ATP2C2: variants seen among roughly 807,000 people sequenced by gnomAD.
The protein encoded by ATP2C2 is calcium-transporting ATPase type 2C member 2.
ATP2C2 carries 171 observed loss-of-function variants against 110.8 expected under a neutral mutation model. The observed-to-expected ratio is 1.54, with a 90% CI of 1.36 to 1.75. ATP2C2 has a LOEUF of 1.75. ATP2C2 is among the 40% of genes most tolerant of loss of function. The pLI, the probability that ATP2C2 is intolerant of heterozygous loss-of-function variation, is 0.00. For missense variants in ATP2C2, 1,963 were observed against 1,235.0 expected, an observed-to-expected ratio of 1.59 and a Z score of -8.84; for synonymous variants, 804 against 508.4, an observed-to-expected ratio of 1.58 and a Z score of -7.82.
intron 1 of ATP2C2, among the ~76,000 whole-genome samples, chr16:84,391,285 C>CAAG (rs1222210295): frequency 6.6e-6 from 1 of 152,114 alleles, no homozygotes; most frequent in Non-Finnish European, 1.5e-5. Flanking sequence ...TACAAAGTAA[C>CAAG]AAGAAGCTAC....
intron 7 of ATP2C2, among the ~76,000 whole-genome samples, chr16:84,420,967 G>A (rs976210880): frequency 2.0e-5 from 3 of 151,980 alleles, no homozygotes; most frequent in Non-Finnish European, 2.9e-5. Flanking sequence ...CCCCATACCC[G>A]GCTAATTCTT....
intron 15 of ATP2C2, among the ~76,000 whole-genome samples, chr16:84,442,833 A>C (rs1424211964): frequency 6.6e-6 from 1 of 152,170 alleles, no homozygotes; most frequent in Non-Finnish European, 1.5e-5. Flanking sequence ...GCGATTCCAA[A>C]AGAATCCTAT....
intron 6 of ATP2C2, among the ~76,000 whole-genome samples, chr16:84,414,719 C>T (rs947621214): frequency 6.6e-6 from 1 of 152,144 alleles, no homozygotes; most frequent in Admixed American, 6.5e-5. Flanking sequence ...TTGAGGTCTG[C>T]AAAGCCCCTG....
chr16:84,458,908 C>A (rs1044661500), intron 21 of ATP2C2, among the ~76,000 whole-genome samples: 6 of 152,154 alleles, frequency 3.9e-5, no homozygotes, highest in African/African-American at 1.2e-4. Flanking sequence ...GAACATGGCT[C>A]AAGGATCAGT....
chr16:84,460,240 C>T (rs922645153), intron 23 of ATP2C2: 1 of 244,564 alleles, frequency 4.1e-6, no homozygotes, highest in Admixed American at 5.1e-5. Flanking sequence ...TGCTGCGGGT[C>T]TAGCCTCAAC....
intron 6 of ATP2C2, among the ~76,000 whole-genome samples, chr16:84,411,379 T>C (rs1435522875): frequency 6.6e-6 from 1 of 152,244 alleles, no homozygotes; most frequent in Non-Finnish European, 1.5e-5. Context: ...CCCTGTGTGA[T>C]AGAACTTGCA....
chr16:84,409,355 C>T (rs539189815), intron 4 of ATP2C2, among the ~76,000 whole-genome samples: 52 of 152,122 alleles, frequency 3.4e-4, no homozygotes, highest in African/African-American at 1.2e-3. Flanking sequence ...ATGTAAATGA[C>T]GAGTTGATGG....
chr16:84,456,348 T>C (rs1485132452), intron 21 of ATP2C2, among the ~76,000 whole-genome samples: 1 of 152,024 alleles, frequency 6.6e-6, no homozygotes, highest in East Asian at 1.9e-4. Context: ...CTTCCTGGTT[T>C]AGTCTTGGGA....
chr16:84,388,597 C>T (rs1018497193), intron 1 of ATP2C2, among the ~76,000 whole-genome samples: 1 of 152,176 alleles, frequency 6.6e-6, no homozygotes, highest in African/African-American at 2.4e-5. Context: ...AAGAAGGAAG[C>T]ATCTGCCTGA....
Position 84,384,701 on chromosome 16 carries a change from C to G in ATP2C2, c.100-13798C>G, listed in dbSNP as rs190694027. Among the ~76,000 whole-genome samples, 438 of 152,290 alleles carry G rather than the reference C, an allele frequency of 2.9e-3. 2 individuals carry two copies. The highest frequency in any genetic ancestry group is 4.7e-3 in the Non-Finnish European group (319 of 68,020). On this transcript the variant is annotated intron_variant, in intron 1 of 26. Coordinates refer to ENST00000262429, the MANE Select transcript of ATP2C2 (RefSeq NM_014861.4). The stretch of plus-strand genomic sequence containing the variant: ...GAATGGATTACTATCACAACGTTTG[C>G]TGAATGGTGATTTTCTAATTCCATC...
At chr16:84,380,855 G>C (rs1490706460) in intron 1 of ATP2C2, among the ~76,000 whole-genome samples, 3 of 152,140 alleles carry the variant, frequency 2.0e-5, no homozygotes, top group Non-Finnish European at 4.4e-5. Context: ...ATTTTTATTA[G>C]CAATAATTAT....
chr16:84,431,232 C>T (rs1360972244), intron 11 of ATP2C2, among the ~76,000 whole-genome samples: 2 of 152,012 alleles, frequency 1.3e-5, no homozygotes, highest in South Asian at 4.2e-4. Context: ...GGCATGGTGG[C>T]TCACACCTGT....
At chr16:84,414,574 C>T (rs1398698901) in intron 6 of ATP2C2, among the ~76,000 whole-genome samples, 1 of 152,184 alleles carries the variant, frequency 6.6e-6, no homozygotes, top group African/African-American at 2.4e-5. Flanking sequence ...TGTGCTGATA[C>T]CTAAGCCAAT....
At chr16:84,415,205 G>A (rs1265661675) in intron 6 of ATP2C2, among the ~76,000 whole-genome samples, 2 of 152,154 alleles carry the variant, frequency 1.3e-5, no homozygotes, top group Non-Finnish European at 1.5e-5. Flanking sequence ...CTTGGCCCCA[G>A]GAGCCTCCCT....
intron 4 of ATP2C2, among the ~76,000 whole-genome samples, chr16:84,410,179 A>C (rs1906150804): frequency 6.6e-6 from 1 of 152,186 alleles, no homozygotes; most frequent in Admixed American, 6.5e-5. Flanking sequence ...ACTGCACTCC[A>C]GCCTGGTGGC....
At chr16:84,387,090 A>G (rs1008575500) in intron 1 of ATP2C2, among the ~76,000 whole-genome samples, 14 of 152,148 alleles carry the variant, frequency 9.2e-5, no homozygotes, top group African/African-American at 3.4e-4. Context: ...AGTGACGACT[A>G]TCACTGAACA....
intron 11 of ATP2C2, among the ~76,000 whole-genome samples, chr16:84,428,897 C>A (rs1908017383): frequency 6.6e-6 from 1 of 152,142 alleles, no homozygotes. Context: ...CCCCCTAGAC[C>A]TGTTTGGAAC....
At chr16:84,412,161 A>T (rs559550856) in intron 6 of ATP2C2, among the ~76,000 whole-genome samples, 1 of 152,278 alleles carries the variant, frequency 6.6e-6, no homozygotes, top group East Asian at 1.9e-4. Flanking sequence ...ATACAGGTGC[A>T]TGCCATGCCA....
intron 20 of ATP2C2, among the ~76,000 whole-genome samples, chr16:84,454,306 A>C (rs1379292461): frequency 6.6e-6 from 1 of 152,170 alleles, no homozygotes; most frequent in Non-Finnish European, 1.5e-5. Flanking sequence ...TGAATACCAA[A>C]AAAAGGTAGA....
Sources: allele counts gnomAD v4.1 joint callset (sites outside exome capture counted in the v4.1 genomes callset), GRCh38; gene constraint gnomAD v4.1.1; transcripts MANE v1.5; gene names NCBI Gene and HGNC (gene_info 2026-07-23, HGNC 2026-07-21).